The following ACACA variants were observed in gnomAD, a reference collection of about 807,000 sequenced individuals.
The protein encoded by ACACA is acetyl-CoA carboxylase alpha.
In ACACA, 103 loss-of-function variants were observed where a neutral mutation model predicts 296.1. The ratio of observed to expected loss-of-function variants is 0.35; its 90% CI spans 0.30 to 0.41. ACACA has a LOEUF of 0.41. Ranked by LOEUF, ACACA falls within the 10% of genes least tolerant of loss-of-function variation. The probability of loss-of-function intolerance (pLI) is 1.00; values close to 1 mark genes in which losing one functional copy is unlikely to be tolerated. For missense variants in ACACA, 1,554 were observed against 2,989.7 expected, an observed-to-expected ratio of 0.52 and a Z score of 11.20; for synonymous variants, 953 against 1,038.6, an observed-to-expected ratio of 0.92 and a Z score of 1.58.
chr17:37,260,732 CAAGAAAAGAAAGGAA>C (rs1029048272), intron 11 of ACACA, among the ~76,000 whole-genome samples: 5 of 150,698 alleles, frequency 3.3e-5, no homozygotes, highest in East Asian at 1.9e-4. Flanking sequence ...CTAAGAACAC[CAAGAAAAGAAAGGAA>C]AAGAAAAGAA....
At chr17:37,191,591 G>A (rs1490485168) in intron 37 of ACACA, among the ~76,000 whole-genome samples, 1 of 152,162 alleles carries the variant, frequency 6.6e-6, no homozygotes, top group Non-Finnish European at 1.5e-5. Context: ...GAGCTATTTA[G>A]AAAGGAAAAG....
intron 14 of ACACA, among the ~76,000 whole-genome samples, chr17:37,254,730 T>C (rs1479083869): frequency 6.6e-6 from 1 of 152,038 alleles, no homozygotes; most frequent in African/African-American, 2.4e-5. Flanking sequence ...ACACCTGTTA[T>C]CCCAGCACTT....
At chr17:37,373,724 C>A (rs2049891404) in intron 1 of ACACA, among the ~76,000 whole-genome samples, 1 of 152,202 alleles carries the variant, frequency 6.6e-6, no homozygotes, top group Non-Finnish European at 1.5e-5. Flanking sequence ...AATTCCTACT[C>A]CTGCTCCAAG....
At chr17:37,128,039 A>C (rs1457669725) in intron 47 of ACACA, among the ~76,000 whole-genome samples, 36 of 148,390 alleles carry the variant, frequency 2.4e-4, no homozygotes, top group Non-Finnish European at 1.3e-4. Flanking sequence ...AAAAAAAAAA[A>C]AAAAAAAAAA....
chr17:37,273,872 T>TAG (rs966731829), intron 9 of ACACA, among the ~76,000 whole-genome samples: 2 of 151,960 alleles, frequency 1.3e-5, no homozygotes, highest in Non-Finnish European at 2.9e-5. Context: ...TAACAGGTGG[T>TAG]AGAGAGAGAG....
chr17:37,369,895 G>A (rs1263469435), intron 1 of ACACA, among the ~76,000 whole-genome samples: 1 of 151,886 alleles, frequency 6.6e-6, no homozygotes, highest in East Asian at 1.9e-4. Flanking sequence ...TAGTAGAGAC[G>A]AGGTTTCACC....
rs2050019069 is a variant in ACACA, at chr17:37,376,729, T to G, written c.38+29533A>C. ...CAGCACTTTGGGAGGCCAAGATTGG[T>G]GGATCACCTGAGGTCAGGAGTTCGA... is the stretch of plus-strand genomic sequence containing the variant. On this transcript the variant is annotated intron_variant, in intron 1 of 55. Transcript: ENST00000616317. 2.0e-5 allele frequency among the ~76,000 whole-genome samples: 3 copies of G among 152,244 alleles called. No individual in the cohort carries two copies. The South Asian group carries it at 6.2e-4, about 32-fold the overall frequency.
chr17:37,099,419 G>A (rs549587340), intron 52 of ACACA, among the ~76,000 whole-genome samples: 1 of 151,852 alleles, frequency 6.6e-6, no homozygotes, highest in African/African-American at 2.4e-5. Flanking sequence ...AAGGCCCATT[G>A]CATTCTAGTG....
intron 1 of ACACA, chr17:37,388,639 T>C (rs1309923903): frequency 1.2e-6 from 2 of 1,602,720 alleles, no homozygotes; most frequent in African/African-American, 2.7e-5. Flanking sequence ...AATTTTCTTT[T>C]CTCCCTCTTC....
At chr17:37,350,548 A>C (rs945447706) in intron 1 of ACACA, among the ~76,000 whole-genome samples, 3 of 152,036 alleles carry the variant, frequency 2.0e-5, no homozygotes, top group Non-Finnish European at 4.4e-5. Context: ...AAACAAAAAA[A>C]TGTGTTTCGG....
chr17:37,375,363 T>G (rs1245397500), intron 1 of ACACA, among the ~76,000 whole-genome samples: 2 of 152,056 alleles, frequency 1.3e-5, no homozygotes, highest in Non-Finnish European at 2.9e-5. Flanking sequence ...AGTGGGCGCC[T>G]GTAGTCCCAC....
At chr17:37,334,965 C>T (rs1395323078) in intron 2 of ACACA, among the ~76,000 whole-genome samples, 1 of 152,046 alleles carries the variant, frequency 6.6e-6, no homozygotes, top group Non-Finnish European at 1.5e-5. Flanking sequence ...ACGATTAATC[C>T]CAGTTGTCCT....
rs150302743 is a variant in ACACA, at chr17:37,132,617, G to C, written c.5680-2399C>G. Among the ~76,000 whole-genome samples the C allele has an allele frequency of 5.2e-3, 792 of 152,320 alleles. 5 individuals carry two copies. The highest frequency in any genetic ancestry group is 0.01 in the Middle Eastern group (3 of 294). On this transcript the variant is annotated intron_variant, in intron 45 of 55. Coordinates refer to ENST00000616317, the MANE Select transcript of ACACA (RefSeq NM_198834.3). The stretch of plus-strand genomic sequence containing the variant: ...ATCTGATATTCACAATCTAGGTCAG[G>C]AGCCAAGTACTCCTTGTTGCCCAGA...
intron 52 of ACACA, 34 bp downstream of exon 52, chr17:37,111,497 C>T: frequency 6.7e-7 from 1 of 1,503,534 alleles, no homozygotes; most frequent in Non-Finnish European, 9.3e-7. Context: ...AGCTGAATGG[C>T]TCATTGATTT....
intron 16 of ACACA, 43 bp downstream of exon 16, chr17:37,251,962 G>C (rs1439081480): frequency 6.5e-7 from 1 of 1,549,060 alleles, no homozygotes; most frequent in African/African-American, 1.4e-5. Flanking sequence ...CTGTACTCAG[G>C]ACCATTGATT....
chr17:37,217,113 TA>T (rs1232978082), intron 29 of ACACA, among the ~76,000 whole-genome samples: 1 of 150,846 alleles, frequency 6.6e-6, no homozygotes, highest in Non-Finnish European at 1.5e-5. Context: ...AAATCAAAAT[TA>T]GTGGGGTGTG....
intron 2 of ACACA, among the ~76,000 whole-genome samples, chr17:37,331,998 G>GAC (rs1272040096): frequency 6.6e-6 from 1 of 151,516 alleles, no homozygotes; most frequent in Non-Finnish European, 1.5e-5. Context: ...CTAATGTGCT[G>GAC]ACACTGATAT....
chr17:37,316,820 C>T (rs940615803), intron 3 of ACACA, among the ~76,000 whole-genome samples: 1 of 152,188 alleles, frequency 6.6e-6, no homozygotes. Context: ...TGTCTGTAAT[C>T]CCAGCACTTT....
At chr17:37,359,761 T>C (rs1419606155) in intron 1 of ACACA, among the ~76,000 whole-genome samples, 1 of 151,992 alleles carries the variant, frequency 6.6e-6, no homozygotes, top group East Asian at 1.9e-4. Context: ...CGCTGGCTGG[T>C]TTCCAAGTCT....
Sources: gnomAD v4.1 joint callset for allele counts (sites outside exome capture counted in the v4.1 genomes callset) on GRCh38, gnomAD v4.1.1 for gene constraint, MANE v1.5 for transcripts, NCBI Gene and HGNC (gene_info 2026-07-23, HGNC 2026-07-21) for gene names.